The following TAOK1 variants were observed in gnomAD, a reference collection of about 807,000 sequenced individuals.
TAOK1 encodes the protein serine/threonine-protein kinase TAO1.
In TAOK1, 21 loss-of-function variants were observed where a neutral mutation model predicts 138.3. That is an observed-to-expected ratio of 0.15 (90% CI 0.11 to 0.22). The LOEUF (loss-of-function observed/expected upper bound fraction) is 0.22. Among genes scored for constraint, TAOK1 ranks in the 10% least tolerant of loss-of-function variants. TAOK1 has a pLI of 1.00. For missense variants in TAOK1, 651 were observed against 1,227.7 expected, an observed-to-expected ratio of 0.53 and a Z score of 7.02; for synonymous variants, 361 against 398.4, an observed-to-expected ratio of 0.91 and a Z score of 1.12.
At position 29,471,176 on chromosome 17, in the gene TAOK1, A is replaced by ATG. The variant is rs777378590; in HGVS notation, c.204+3962_204+3963dup. Among the ~76,000 whole-genome samples the ATG allele has an allele frequency of 1.8e-3, 277 of 150,896 alleles. 1 individual carries two copies. The highest frequency in any genetic ancestry group is 3.0e-3 in the Non-Finnish European group (206 of 67,756). ...TCATCTAAAAAATATATATATATAT[A>ATG]TGTCCATGCTATACTGTAGTACCGT... On this transcript the variant is annotated intron_variant, in intron 3 of 19. Transcript: ENST00000261716.
At chr17:29,532,931 T>TG (rs1229636936) in intron 18 of TAOK1, among the ~76,000 whole-genome samples, 1 of 85,998 alleles carries the variant, frequency 1.2e-5, no homozygotes, top group Admixed American at 1.2e-4. Context: ...GCTGGCCGGG[T>TG]GGGGGGCTGA....
intron 1 of TAOK1, among the ~76,000 whole-genome samples, chr17:29,395,764 C>CT (rs1037300579): frequency 1.3e-5 from 2 of 148,666 alleles, no homozygotes; most frequent in African/African-American, 5.0e-5. Context: ...TTCAAGTGCT[C>CT]TTCCCACATC....
intron 2 of TAOK1, among the ~76,000 whole-genome samples, chr17:29,462,093 A>G (rs2153025178): frequency 6.6e-6 from 1 of 152,326 alleles, no homozygotes; most frequent in Admixed American, 6.5e-5. Flanking sequence ...TTGTTTATAG[A>G]CTATCTAAAG....
intron 19 of TAOK1, among the ~76,000 whole-genome samples, chr17:29,541,229 C>T (rs1334686007): frequency 1.3e-5 from 2 of 151,768 alleles, no homozygotes; most frequent in South Asian, 2.1e-4. Context: ...CCTGCCTCAG[C>T]CTCCCAAGAA....
chr17:29,402,900 C>T (rs771884677), intron 1 of TAOK1, among the ~76,000 whole-genome samples: 10 of 151,192 alleles, frequency 6.6e-5, no homozygotes, highest in Non-Finnish European at 1.2e-4. Flanking sequence ...TTAGGCCCGG[C>T]GCAGTGGCTT....
chr17:29,420,505 C>G (rs1157039699), intron 1 of TAOK1, among the ~76,000 whole-genome samples: 1 of 151,354 alleles, frequency 6.6e-6, no homozygotes, highest in Non-Finnish European at 1.5e-5. Flanking sequence ...TGCCTTGTTG[C>G]ACTGGCTAGC....
At position 29,469,418 on chromosome 17, in the gene TAOK1, G is replaced by A. The variant is rs547232570; in HGVS notation, c.204+2202G>A. Among the ~76,000 whole-genome samples the A allele has an allele frequency of 3.3e-4, 50 of 152,054 alleles. 2 individuals carry two copies. In the South Asian group the frequency reaches 9.3e-3, roughly 28 times the overall value. On this transcript the variant is annotated intron_variant, in intron 3 of 19. Transcript: ENST00000261716. ...CGTTGTGCAACCATTATCACCATGC[G>A]TCTCTAGAATTCTTTTTATCTTGCA...
intron 1 of TAOK1, among the ~76,000 whole-genome samples, chr17:29,437,803 G>T (rs1240472968): frequency 8.9e-6 from 1 of 112,132 alleles, no homozygotes; most frequent in African/African-American, 4.4e-5. Flanking sequence ...GTATGATCTC[G>T]GCTCACTGCA....
intron 2 of TAOK1, among the ~76,000 whole-genome samples, chr17:29,463,729 G>A (rs2030587318): frequency 6.6e-6 from 1 of 152,136 alleles, no homozygotes; most frequent in African/African-American, 2.4e-5. Context: ...AACAACAACA[G>A]GATAAATTGG....
At chr17:29,540,334 C>T (rs2150778263) in intron 19 of TAOK1, among the ~76,000 whole-genome samples, 1 of 149,446 alleles carries the variant, frequency 6.7e-6, no homozygotes, top group Middle Eastern at 3.4e-3. Flanking sequence ...GCAAACCGTT[C>T]AATACTTTTT....
At chr17:29,483,759 G>A (rs1031078182) in intron 8 of TAOK1, among the ~76,000 whole-genome samples, 2 of 152,108 alleles carry the variant, frequency 1.3e-5, no homozygotes, top group Non-Finnish European at 2.9e-5. Context: ...GGATTTCTTT[G>A]TCTTAATTTG....
chr17:29,437,389 G>A (rs1906067968), intron 1 of TAOK1, among the ~76,000 whole-genome samples: 1 of 151,858 alleles, frequency 6.6e-6, no homozygotes, highest in African/African-American at 2.4e-5. Flanking sequence ...GTAGAGATGG[G>A]GTTTCATCAT....
At chr17:29,482,405 C>A in intron 8 of TAOK1, 117 bp downstream of exon 8, 1 of 790,316 alleles carries the variant, frequency 1.3e-6, no homozygotes, top group Non-Finnish European at 2.0e-6. Context: ...ATAAGGGGGG[C>A]AATACATTTA....
At chr17:29,539,836 C>T (rs1462316918) in intron 19 of TAOK1, among the ~76,000 whole-genome samples, 6 of 152,016 alleles carry the variant, frequency 3.9e-5, no homozygotes, top group East Asian at 1.9e-4. Context: ...GCCACGATCG[C>T]GCCACTGCAC....
intron 17 of TAOK1, among the ~76,000 whole-genome samples, chr17:29,529,403 A>C (rs1460564344): frequency 1.3e-5 from 2 of 152,156 alleles, no homozygotes. Flanking sequence ...CAGCCTGGGC[A>C]ACATAGGGAA....
intron 1 of TAOK1, among the ~76,000 whole-genome samples, chr17:29,399,943 G>T (rs564175667): frequency 1.8e-4 from 28 of 152,066 alleles, no homozygotes; most frequent in African/African-American, 6.8e-4. Context: ...TGTTGCCCAG[G>T]TTGGTCTTGA....
Position 29,534,237 on chromosome 17 carries a change from T to A in TAOK1, c.2481T>A (p.His827Gln). ...SKIKMQAEAQ[H>Q]DRELRELEQR... Reference sequence around the variant, plus strand: ...TCAAGATGCAAGCTGAGGCACAACATGATCGAGAGCTTCGCGAGCTTGAAC... The same window carrying A: ...TCAAGATGCAAGCTGAGGCACAACAAGATCGAGAGCTTCGCGAGCTTGAAC... The change falls in exon 19 of 20, where the codon CAT (histidine) becomes CAA (glutamine). Residue 827 changes from histidine (H) to glutamine (Q), a missense_variant. By Grantham distance (24) the His-to-Gln change is conservative. This residue lies in a region of TAOK1 where 258 missense variants were observed against 548.9 expected (regional missense o/e 0.47). Coordinates refer to ENST00000261716, the MANE Select transcript of TAOK1 (RefSeq NM_020791.4). 1 of 1,613,350 alleles carries A rather than the reference T, an allele frequency of 6.2e-7. No homozygotes were observed. The highest frequency in any genetic ancestry group is 8.5e-7 in the Non-Finnish European group (1 of 1,179,698).
chr17:29,394,268 C>T (rs1460496669), intron 1 of TAOK1, among the ~76,000 whole-genome samples: 2 of 145,670 alleles, frequency 1.4e-5, no homozygotes, highest in Non-Finnish European at 3.0e-5. Flanking sequence ...TGGGTTTACG[C>T]CAGTCTCCTG....
intron 1 of TAOK1, among the ~76,000 whole-genome samples, chr17:29,429,209 TTAA>T (rs1327496941): frequency 2.6e-5 from 4 of 152,206 alleles, no homozygotes; most frequent in Non-Finnish European, 4.4e-5. Flanking sequence ...TTGTTTTTAC[TTAA>T]TAATTTCAGA....
Sources: allele counts gnomAD v4.1 joint callset (sites outside exome capture counted in the v4.1 genomes callset), GRCh38; gene constraint gnomAD v4.1.1; regional missense constraint gnomAD v4.1.1; transcripts MANE v1.5; gene names NCBI Gene and HGNC (gene_info 2026-07-23, HGNC 2026-07-21).